The following NEK5 variants were observed in gnomAD, a reference collection of about 807,000 sequenced individuals.
The protein encoded by NEK5 is NIMA related kinase 5.
A neutral mutation model predicts 109.2 loss-of-function variants in NEK5; 88 were observed. The ratio of observed to expected loss-of-function variants is 0.81; its 90% CI spans 0.68 to 0.96. The LOEUF (loss-of-function observed/expected upper bound fraction) is 0.96, where lower values mean the gene tolerates loss of function less well. NEK5 is among the 40% of genes least tolerant of loss of function. NEK5 has a pLI of 0.00. For missense variants in NEK5, 834 were observed against 920.7 expected (o/e 0.91, Z 1.22); for synonymous variants, 283 against 299.9 (o/e 0.94, Z 0.58).
At chr13:52,119,458 G>T in intron 3 of NEK5, 43 bp from the exon 4 acceptor site, 2 of 1,031,106 alleles carry the variant, frequency 1.9e-6, no homozygotes, top group Non-Finnish European at 2.9e-6. Context: ...AAGCTAACTT[G>T]GTTTCAAGAA....
chr13:52,109,821 C>T (rs1189381419), intron 7 of NEK5, among the ~76,000 whole-genome samples: 2 of 152,108 alleles, frequency 1.3e-5, no homozygotes, highest in Non-Finnish European at 2.9e-5. Context: ...CCATTCTTCC[C>T]AGCTTTGAGT....
At chr13:52,112,546 G>C (rs1330225405) in intron 4 of NEK5, among the ~76,000 whole-genome samples, 181 bp from the exon 5 acceptor site, 1 of 152,146 alleles carries the variant, frequency 6.6e-6, no homozygotes, top group African/African-American at 2.4e-5. Flanking sequence ...CTGTAAAATG[G>C]AAATATTATA....
At chr13:52,115,065 T>C (rs1955826348) in intron 4 of NEK5, among the ~76,000 whole-genome samples, 1 of 150,620 alleles carries the variant, frequency 6.6e-6, no homozygotes, top group African/African-American at 2.4e-5. Context: ...TGGGCTGGAG[T>C]GCAGTGGCGC....
At chr13:52,086,863 G>T (rs1955153915) in intron 15 of NEK5, among the ~76,000 whole-genome samples, 1 of 152,186 alleles carries the variant, frequency 6.6e-6, no homozygotes, top group Non-Finnish European at 1.5e-5. Flanking sequence ...TGAAGGCAGA[G>T]AATGGAGTGA....
intron 8 of NEK5, 25 bp from the exon 9 acceptor site, chr13:52,104,577 C>G (rs1405470143): frequency 2.6e-6 from 4 of 1,510,210 alleles, no homozygotes; most frequent in Non-Finnish European, 3.7e-6. Flanking sequence ...AGTTTACATG[C>G]CAAGAAAATA....
intron 23 of NEK5, among the ~76,000 whole-genome samples, chr13:52,049,666 T>TAA (rs75893721): frequency 1.5e-5 from 2 of 131,734 alleles, no homozygotes; most frequent in Non-Finnish European, 1.6e-5. Flanking sequence ...GCTGATGAAC[T>TAA]AAAAAAAAAA....
chr13:52,124,432 C>T (rs1290762006), intron 3 of NEK5, among the ~76,000 whole-genome samples: 1 of 152,202 alleles, frequency 6.6e-6, no homozygotes, highest in African/African-American at 2.4e-5. Flanking sequence ...TTTACACTTA[C>T]TATTTTCTCA....
intron 22 of NEK5, among the ~76,000 whole-genome samples, chr13:52,055,846 C>T (rs1377710984): frequency 2.0e-5 from 3 of 151,842 alleles, no homozygotes; most frequent in Non-Finnish European, 4.4e-5. Context: ...CAAAATCATG[C>T]CAAAATGTAA....
At chr13:52,056,077 C>T (rs1173292637) in intron 22 of NEK5, among the ~76,000 whole-genome samples, 4 of 149,906 alleles carry the variant, frequency 2.7e-5, no homozygotes, top group African/African-American at 7.4e-5. Context: ...GACACACATA[C>T]GCTCAAAATA....
chr13:52,067,093 T>C (rs896194974), intron 20 of NEK5, among the ~76,000 whole-genome samples: 1 of 152,188 alleles, frequency 6.6e-6, no homozygotes, highest in African/African-American at 2.4e-5. Flanking sequence ...GGTGCTACTA[T>C]CATATTGTGT....
chr13:52,047,217 C>T (rs1250596663), intron 23 of NEK5, among the ~76,000 whole-genome samples: 1 of 151,786 alleles, frequency 6.6e-6, no homozygotes, highest in Non-Finnish European at 1.5e-5. Flanking sequence ...TGACCCAATA[C>T]TTTTTGTTCT....
intron 21 of NEK5, among the ~76,000 whole-genome samples, chr13:52,062,484 G>C (rs1566738359): frequency 1.3e-5 from 2 of 150,842 alleles, no homozygotes; most frequent in African/African-American, 2.4e-5. Flanking sequence ...GTAGTGTCAC[G>C]ATCTTGGCTC....
chr13:52,103,932 G>C (rs1476030336), intron 9 of NEK5, among the ~76,000 whole-genome samples: 1 of 152,034 alleles, frequency 6.6e-6, no homozygotes, highest in Non-Finnish European at 1.5e-5. Context: ...TTTTTCTTTT[G>C]CTGAACGTAT....
chr13:52,115,260 C>CA (rs1306063624), intron 4 of NEK5, among the ~76,000 whole-genome samples: 3 of 151,788 alleles, frequency 2.0e-5, no homozygotes, highest in Non-Finnish European at 4.4e-5. Context: ...CTTGGCCTCC[C>CA]AAAGTTCTGG....
chr13:52,043,600 T>C (rs1566725091), intron 23 of NEK5, among the ~76,000 whole-genome samples: 1 of 151,294 alleles, frequency 6.6e-6, no homozygotes, highest in East Asian at 1.9e-4. Context: ...AAAAATACAT[T>C]AGTCAGAAAT....
At chr13:52,064,218 A>C in intron 21 of NEK5, among the ~76,000 whole-genome samples, 1 of 127,938 alleles carries the variant, frequency 7.8e-6, no homozygotes, top group Non-Finnish European at 1.7e-5. Context: ...CCCGTCCGGG[A>C]GGGAGGTGGG....
intron 4 of NEK5, among the ~76,000 whole-genome samples, chr13:52,118,801 T>C (rs530358257): frequency 2.0e-4 from 30 of 152,260 alleles, no homozygotes; most frequent in African/African-American, 6.3e-4. Context: ...GGATCTCATG[T>C]AAACAGAGTA....
intron 13 of NEK5, among the ~76,000 whole-genome samples, chr13:52,090,275 G>GC (rs1382445502): frequency 3.9e-5 from 6 of 152,106 alleles, no homozygotes; most frequent in South Asian, 4.1e-4. Flanking sequence ...AATAAAAACC[G>GC]CATTTCAGAC....
intron 12 of NEK5, among the ~76,000 whole-genome samples, chr13:52,095,385 T>C (rs1195161792): frequency 6.6e-6 from 1 of 152,218 alleles, no homozygotes; most frequent in Non-Finnish European, 1.5e-5. Flanking sequence ...TTCTTTAAAA[T>C]GTTCTCTAAC....
Sources: allele counts gnomAD v4.1 joint callset (sites outside exome capture counted in the v4.1 genomes callset), GRCh38; gene constraint gnomAD v4.1.1; transcripts MANE v1.5; gene names NCBI Gene and HGNC (gene_info 2026-07-23, HGNC 2026-07-21).